ZNF451: variants seen among roughly 807,000 people sequenced by gnomAD.
ZNF451 encodes E3 SUMO-protein ligase ZNF451.
ZNF451 carries 80 observed loss-of-function variants against 107.1 expected under a neutral mutation model. The ratio of observed to expected loss-of-function variants is 0.75; its 90% CI spans 0.62 to 0.90. ZNF451 has a LOEUF of 0.90. Ranked by LOEUF, ZNF451 falls within the 40% of genes least tolerant of loss-of-function variation. The pLI, the probability that ZNF451 is intolerant of heterozygous loss-of-function variation, is 0.00. For synonymous variants in ZNF451, 362 were observed against 406.5 expected (o/e 0.89, Z 1.32); for missense variants, 1,107 against 1,236.2 (o/e 0.90, Z 1.57).
intron 13 of ZNF451, among the ~76,000 whole-genome samples, chr6:57,160,337 G>A (rs748591314): frequency 2.1e-4 from 30 of 143,196 alleles, no homozygotes; most frequent in African/African-American, 6.6e-4. Context: ...GTCTCGTCTC[G>A]TCTCATTTCA....
intron 3 of ZNF451, chr6:57,105,527 C>G: frequency 4.1e-6 from 4 of 985,364 alleles, no homozygotes; most frequent in Non-Finnish European, 4.8e-6. Context: ...AATGTACTCC[C>G]TTCTGAATGT....
intron 13 of ZNF451, among the ~76,000 whole-genome samples, chr6:57,155,818 C>CT (rs528621372): frequency 0.013 from 1,360 of 107,278 alleles, 26 homozygotes; most frequent in East Asian, 0.094. Flanking sequence ...TCTAGGTATT[C>CT]TTTTTTTTTT....
chr6:57,154,237 G>T, intron 13 of ZNF451, 190 bp downstream of exon 13: 4 of 618,836 alleles, frequency 6.5e-6, no homozygotes, highest in Non-Finnish European at 1.1e-5. Context: ...GAAGGAGGAT[G>T]AATTCATAAT....
At position 57,147,575 on chromosome 6, in the gene ZNF451, G is replaced by A. The variant is rs1440818697; in HGVS notation, c.1490G>A (p.Gly497Asp). Reference sequence around the variant, plus strand: ...CATGTTTTCTCAGCAAACACAATGGGTTATAAATGTGTGGTCTGTGGAAAG... The same window carrying A: ...CATGTTTTCTCAGCAAACACAATGGATTATAAATGTGTGGTCTGTGGAAAG... ...EKHVFSANTM[G>D]YKCVVCGKVC... Residue 497 changes from glycine (G) to aspartate (D), a missense_variant, in exon 10 of 15, where the codon GGT becomes GAT. By Grantham distance (94) the Gly-to-Asp change is moderately conservative (BLOSUM62 -1). Transcript: ENST00000370706. The A allele has an allele frequency of 1.2e-6, 2 of 1,614,106 alleles. No homozygotes were observed. The highest frequency in any genetic ancestry group is 2.2e-5 in the South Asian group (2 of 91,082).
chr6:57,161,291 G>T, intron 14 of ZNF451, 139 bp downstream of exon 14: 1 of 499,204 alleles, frequency 2.0e-6, no homozygotes. Flanking sequence ...GGATAGCTTT[G>T]CATTTTTCAT....
chr6:57,151,612 G>C (rs1227283545), intron 11 of ZNF451, among the ~76,000 whole-genome samples: 2 of 152,040 alleles, frequency 1.3e-5, no homozygotes, highest in African/African-American at 4.8e-5. Context: ...TCAGCTATAG[G>C]ACTAATGTTA....
In ZNF451 at chr6:57,168,628, T is replaced by G. The variant is rs1764007255; in HGVS notation, c.*159T>G. ...TTCAAAATCTGATCTTTGTTTTGTATTTTTGTGCTAATGTGCAAACATGTA... is the reference window on the plus strand; with the variant it reads ...TTCAAAATCTGATCTTTGTTTTGTAGTTTTGTGCTAATGTGCAAACATGTA... On this transcript the variant is annotated 3_prime_UTR_variant, in exon 15 of 15. Transcript: ENST00000370706. The G allele has an allele frequency of 1.5e-6, 1 of 649,228 alleles. No individual in the cohort carries two copies. Among genetic ancestry groups the G allele is most frequent in the Non-Finnish European group, 2.7e-6 (1 of 374,480 alleles). 40.2% of individuals were successfully genotyped at this position (649,228 alleles called of 1,614,324 possible).
chr6:57,162,825 A>G (rs1478350803), intron 14 of ZNF451, among the ~76,000 whole-genome samples: 2 of 152,190 alleles, frequency 1.3e-5, no homozygotes, highest in Non-Finnish European at 2.9e-5. Context: ...CATATTATCT[A>G]TGTAATGCAT....
chr6:57,123,440 AT>A (rs1352089597), intron 3 of ZNF451, among the ~76,000 whole-genome samples: 11 of 152,240 alleles, frequency 7.2e-5, no homozygotes, highest in Non-Finnish European at 5.9e-5. Flanking sequence ...GTTCTCATTT[AT>A]AAGTGGGAGC....
chr6:57,137,326 T>G (rs1831482309), intron 7 of ZNF451, among the ~76,000 whole-genome samples: 1 of 152,244 alleles, frequency 6.6e-6, no homozygotes, highest in Non-Finnish European at 1.5e-5. Context: ...CAATTTGCAT[T>G]GTTTTCCTTG....
intron 5 of ZNF451, among the ~76,000 whole-genome samples, chr6:57,132,457 T>A (rs777064140): frequency 6.6e-6 from 1 of 152,178 alleles, no homozygotes; most frequent in South Asian, 2.1e-4. Flanking sequence ...CAGTGTCTCA[T>A]GCCTGTAATC....
chr6:57,116,938 CAAAAA>C (rs199573978), intron 3 of ZNF451: 1 of 110,208 alleles, frequency 9.1e-6, no homozygotes, highest in Admixed American at 9.1e-5. Flanking sequence ...GAAAACAAAA[CAAAAA>C]AAAAAAAAAT....
At position 57,169,851 on chromosome 6, in the gene ZNF451, A is replaced by AG. The variant is rs1593184560; in HGVS notation, c.*1384dup. 6.6e-6 allele frequency: 1 copy of AG among 152,196 alleles called. No homozygotes were observed. Among genetic ancestry groups the AG allele is most frequent in the African/African-American group, 2.4e-5 (1 of 41,454 alleles). The allele number at this position is 152,196 out of a possible 1,614,324, so 9.4% of individuals were successfully genotyped here. ...TGTTTAAGTGGTCAAGCAAGGCTCT[A>AG]GGAGGTAGTCACTGAGCTGGACCTT... is the stretch of plus-strand genomic sequence containing the variant. On this transcript the variant is annotated 3_prime_UTR_variant, in exon 15 of 15. Coordinates refer to ENST00000370706, the MANE Select transcript of ZNF451 (RefSeq NM_001031623.3).
intron 7 of ZNF451, among the ~76,000 whole-genome samples, chr6:57,139,212 G>A (rs1222652483): frequency 6.6e-6 from 1 of 152,140 alleles, no homozygotes; most frequent in Non-Finnish European, 1.5e-5. Flanking sequence ...GTGTGGTGGG[G>A]AGGGAGTAGT....
intron 3 of ZNF451, among the ~76,000 whole-genome samples, chr6:57,119,919 T>G (rs1377049665): frequency 6.6e-6 from 1 of 152,064 alleles, no homozygotes; most frequent in Non-Finnish European, 1.5e-5. Flanking sequence ...TATGTTAATG[T>G]GAGCTTGGTT....
chr6:57,106,650 C>A, intron 3 of ZNF451: 1 of 982,552 alleles, frequency 1.0e-6, no homozygotes, highest in Non-Finnish European at 1.2e-6. Flanking sequence ...CATATTTTGC[C>A]ACAGTCTCGC....
At position 57,105,635 on chromosome 6, in the gene ZNF451, T is replaced by C. The variant is rs1016426780; in HGVS notation, c.186+6494T>C. 13 of 985,310 alleles carry C rather than the reference T, an allele frequency of 1.3e-5. No individual in the cohort carries two copies. The African/African-American group carries it at 2.3e-4, about 17-fold the overall frequency. The allele number at this position is 985,310 out of a possible 1,614,324, so 61.0% of individuals were successfully genotyped here. The stretch of plus-strand genomic sequence containing the variant: ...AACTAACTAGACAGTAGTTCCTTTT[T>C]GTTATTAGTGAGTGGCTAATTTTGG... On this transcript the variant is annotated intron_variant, in intron 3 of 14. Coordinates refer to ENST00000370706, the MANE Select transcript of ZNF451 (RefSeq NM_001031623.3).
rs1418657715 is a variant in ZNF451 at position 57,147,330 on chromosome 6, G to T, written c.1245G>T (p.Leu415Phe). 6.2e-7 allele frequency: 1 copy of T among 1,613,922 alleles called. No homozygotes were observed. The highest frequency in any genetic ancestry group is 8.5e-7 in the Non-Finnish European group (1 of 1,179,982). The change falls in exon 10 of 15, where the codon TTG (leucine) becomes TTT (phenylalanine). Residue 415 changes from leucine to phenylalanine, a missense_variant. Transcript: ENST00000370706. ...GGAACAAGGATCCTTCTTCTGACTTGCATTTATTGTTGGATCAATCAAAAT... is the reference window on the plus strand; with the variant it reads ...GGAACAAGGATCCTTCTTCTGACTTTCATTTATTGTTGGATCAATCAAAAT... Reference protein sequence around the residue: ...SEGNKDPSSDLHLLLDQSKFS... With the variant: ...SEGNKDPSSDFHLLLDQSKFS...
chr6:57,099,722 T>C (rs1010048431), intron 3 of ZNF451: 4 of 499,514 alleles, frequency 8.0e-6, no homozygotes, highest in East Asian at 3.1e-5. Context: ...GCTCTGAGAA[T>C]TGAACTAGTT....
Sources: gnomAD v4.1 joint callset for allele counts (sites outside exome capture counted in the v4.1 genomes callset) on GRCh38, gnomAD v4.1.1 for gene constraint, MANE v1.5 for transcripts, NCBI Gene and HGNC (gene_info 2026-07-23, HGNC 2026-07-21) for gene names.